The following ENPEP variants were observed in gnomAD, a reference collection of about 807,000 sequenced individuals.
ENPEP encodes the protein AP-A.
Under a neutral mutation model 114.5 loss-of-function variants are expected in ENPEP, and 103 were observed. That is an observed-to-expected ratio of 0.90 (90% CI 0.77 to 1.06). ENPEP has a LOEUF of 1.06. ENPEP is among the 50% of genes least tolerant of loss of function. ENPEP has a pLI of 0.00. For synonymous variants in ENPEP, 420 were observed against 422.0 expected (o/e 1.00, Z 0.06); for missense variants, 1,196 against 1,161.3 (o/e 1.03, Z -0.43).
intron 13 of ENPEP, 105 bp from the exon 14 acceptor site, chr4:110,548,071 G>T (rs1727134141): frequency 8.2e-7 from 1 of 1,218,772 alleles, no homozygotes. Context: ...CATTAACATG[G>T]AATGCTTTGA....
intron 3 of ENPEP, among the ~76,000 whole-genome samples, chr4:110,492,897 G>A (rs1168829600): frequency 1.3e-5 from 2 of 152,248 alleles, no homozygotes; most frequent in South Asian, 2.1e-4. Flanking sequence ...TCATGTGCAG[G>A]TGTTTCCCAT....
intron 1 of ENPEP, among the ~76,000 whole-genome samples, chr4:110,483,052 C>G (rs988606985): frequency 6.6e-6 from 1 of 151,926 alleles, no homozygotes; most frequent in Non-Finnish European, 1.5e-5. Context: ...GTCTTGTTTA[C>G]TTGTTGCAGG....
intron 1 of ENPEP, among the ~76,000 whole-genome samples, chr4:110,484,725 AATATATATT>A (rs933669899): frequency 8.3e-4 from 120 of 145,222 alleles, no homozygotes; most frequent in Non-Finnish European, 1.6e-3. Flanking sequence ...GGATCTTAGG[AATATATATT>A]ATATATATTA....
chr4:110,476,389 T>G lies in ENPEP; in HGVS notation c.-26T>G. Reference sequence around the variant, plus strand: ...TAGTTAAATTTAACATCTTTTTATGTGTAACACTTGACTTTGGAAGCAAAA... The same window carrying G: ...TAGTTAAATTTAACATCTTTTTATGGGTAACACTTGACTTTGGAAGCAAAA... On this transcript the variant is annotated 5_prime_UTR_variant, in exon 1 of 20. Transcript: ENST00000265162. 3.3e-6 allele frequency: 5 copies of G among 1,508,776 alleles called. No homozygotes were observed. Among genetic ancestry groups the G allele is most frequent in the Non-Finnish European group, 4.4e-6 (5 of 1,127,508 alleles). The allele number at this position is 1,508,776 out of a possible 1,614,324, so 93.5% of individuals were successfully genotyped here.
intron 3 of ENPEP, among the ~76,000 whole-genome samples, chr4:110,494,878 C>G (rs1724869299): frequency 6.6e-6 from 1 of 152,182 alleles, no homozygotes; most frequent in Non-Finnish European, 1.5e-5. Context: ...TGCAAGAAAT[C>G]TACTCCTGAG....
intron 10 of ENPEP, among the ~76,000 whole-genome samples, chr4:110,525,944 C>T (rs1177194022): frequency 6.6e-6 from 1 of 151,968 alleles, no homozygotes; most frequent in Non-Finnish European, 1.5e-5. Context: ...TTAAGGTGAG[C>T]AAATTGGTGT....
In ENPEP at chr4:110,542,794, C is replaced by G. The variant is rs768565894; in HGVS notation, c.1851C>G (p.Leu617=). ...NSSNPSGNAF[L]KINPDHIGFY... is the part of the protein sequence containing the mutation. ...CTAATCCTAGTGGAAATGCTTTTCTCAAAATAAACCCAGATCATATTGGGT... is the reference window on the plus strand; with the variant it reads ...CTAATCCTAGTGGAAATGCTTTTCTGAAAATAAACCCAGATCATATTGGGT... Residue 617 remains leucine (L), a synonymous_variant, in exon 12 of 20, where the codon CTC becomes CTG. Transcript: ENST00000265162. 3.1e-6 allele frequency: 5 copies of G among 1,612,970 alleles called. No individual in the cohort carries two copies. Among genetic ancestry groups the G allele is most frequent in the Middle Eastern group, 1.7e-4 (1 of 6,054 alleles).
intron 3 of ENPEP, among the ~76,000 whole-genome samples, chr4:110,492,828 A>AT (rs1724779476): frequency 6.6e-6 from 1 of 152,140 alleles, no homozygotes; most frequent in Admixed American, 6.5e-5. Flanking sequence ...CAAACATGCA[A>AT]TTTTCATCTG....
At chr4:110,525,652 T>TTGTGTTATTC (rs1726168323) in intron 10 of ENPEP, among the ~76,000 whole-genome samples, 1 of 129,716 alleles carries the variant, frequency 7.7e-6, no homozygotes, top group African/African-American at 2.6e-5. Flanking sequence ...AAAGATGTTT[T>TTGTGTTATTC]AGAAAGTCTT....
Position 110,549,471 on chromosome 4 carries a change from T to G in ENPEP, c.2225+52T>G, listed in dbSNP as rs190691628. 4.0e-5 allele frequency: 64 copies of G among 1,612,734 alleles called. No homozygotes were observed. The East Asian group carries it at 1.4e-3, about 35-fold the overall frequency. On this transcript the variant is annotated intron_variant, in intron 15 of 19. Coordinates refer to ENST00000265162, the MANE Select transcript of ENPEP (RefSeq NM_001977.4). ...ATTCATTTAACATTTGTTTTTTGTT[T>G]TAAGACTTGTTGAAAAGTGCTTAAG...
chr4:110,503,774 G>A (rs1725253249), intron 3 of ENPEP, among the ~76,000 whole-genome samples: 1 of 152,208 alleles, frequency 6.6e-6, no homozygotes, highest in South Asian at 2.1e-4. Flanking sequence ...AGAGGACGAA[G>A]TGTTTGTGCT....
At chr4:110,549,287 T>G (rs1475994748) in intron 14 of ENPEP, 59 bp from the exon 15 acceptor site, 6 of 1,325,636 alleles carry the variant, frequency 4.5e-6, no homozygotes, top group African/African-American at 2.9e-5. Flanking sequence ...GTATAATAAT[T>G]GGGATACTAC....
chr4:110,556,666 A>T (rs1040216466), intron 18 of ENPEP, among the ~76,000 whole-genome samples: 1 of 152,080 alleles, frequency 6.6e-6, no homozygotes, highest in African/African-American at 2.4e-5. Flanking sequence ...GGGTGAAAAG[A>T]TGTGTTTATT....
At chr4:110,488,416 C>T in intron 1 of ENPEP, 125 bp from the exon 2 acceptor site, 1 of 1,248,878 alleles carries the variant, frequency 8.0e-7, no homozygotes, top group Admixed American at 3.6e-5. Flanking sequence ...CTAGATGGAA[C>T]CTCATTTTTA....
intron 1 of ENPEP, among the ~76,000 whole-genome samples, chr4:110,487,253 G>T (rs1724540369): frequency 1.3e-5 from 2 of 152,218 alleles, no homozygotes; most frequent in South Asian, 2.1e-4. Context: ...AAGGCAGACT[G>T]GTCCCCAGGG....
Position 110,520,050 on chromosome 4 carries a change from G to T in ENPEP, c.1552G>T (p.Asp518Tyr). 1 of 1,613,996 alleles carries T rather than the reference G, an allele frequency of 6.2e-7. No homozygotes were observed. Among genetic ancestry groups the T allele is most frequent in the Non-Finnish European group, 8.5e-7 (1 of 1,179,910 alleles). The change falls in exon 9 of 20, where the codon GAT (aspartate) becomes TAT (tyrosine). Residue 518 changes from aspartate to tyrosine, a missense_variant. Physicochemically the swap from Asp to Tyr is radical, Grantham distance 160. Coordinates refer to ENST00000265162, the MANE Select transcript of ENPEP (RefSeq NM_001977.4). ...CCAATTCAAGAATGCAAAAACTTCT[G>T]ATTTTTGGGCAGCACTGGAAGAGGT... ...KYQFKNAKTS[D>Y]FWAALEEASR...
chr4:110,511,437 G>A (rs538532253), intron 6 of ENPEP, among the ~76,000 whole-genome samples: 2 of 152,000 alleles, frequency 1.3e-5, no homozygotes, highest in African/African-American at 4.8e-5. Context: ...CATATTTCCA[G>A]CTGTCTCGTG....
At chr4:110,486,689 T>A (rs1009296341) in intron 1 of ENPEP, among the ~76,000 whole-genome samples, 5 of 152,300 alleles carry the variant, frequency 3.3e-5, no homozygotes, top group Middle Eastern at 6.8e-3. Flanking sequence ...TATTTATTTG[T>A]GTGTCTCTTG....
chr4:110,494,149 G>A (rs944913925), intron 3 of ENPEP, among the ~76,000 whole-genome samples: 1 of 152,170 alleles, frequency 6.6e-6, no homozygotes, highest in Non-Finnish European at 1.5e-5. Flanking sequence ...GTTTTAGAAC[G>A]TGATTTCCAA....
Sources: gnomAD v4.1 joint callset for allele counts (sites outside exome capture counted in the v4.1 genomes callset) on GRCh38, gnomAD v4.1.1 for gene constraint, MANE v1.5 for transcripts, NCBI Gene and HGNC (gene_info 2026-07-23, HGNC 2026-07-21) for gene names.